DSCAM: variants seen among roughly 807,000 people sequenced by gnomAD.
DSCAM encodes DS cell adhesion molecule.
A neutral mutation model predicts 217.7 loss-of-function variants in DSCAM; 47 were observed. The ratio of observed to expected loss-of-function variants is 0.22; its 90% CI spans 0.17 to 0.28. The LOEUF is 0.28. Among genes scored for constraint, DSCAM ranks in the 10% least tolerant of loss-of-function variants. The pLI is 1.00. For missense variants in DSCAM, 2,080 were observed against 2,618.3 expected, an observed-to-expected ratio of 0.79 and a Z score of 4.49; for synonymous variants, 1,056 against 1,015.3, an observed-to-expected ratio of 1.04 and a Z score of -0.76.
intron 1 of DSCAM, among the ~76,000 whole-genome samples, chr21:40,731,728 A>ACCCCCCCCCCCC (rs148482159): frequency 1.1e-4 from 9 of 79,676 alleles, no homozygotes; most frequent in Admixed American, 2.9e-4. Flanking sequence ...TTCCCACTGC[A>ACCCCCCCCCCCC]CCCCCCCCCC....
chr21:40,291,343 C>G (rs1225437862), intron 10 of DSCAM, among the ~76,000 whole-genome samples: 1 of 152,224 alleles, frequency 6.6e-6, no homozygotes, highest in Non-Finnish European at 1.5e-5. Flanking sequence ...CATCTCTCTC[C>G]AATTACCCAG....
chr21:40,555,189 C>T (rs369047841), intron 3 of DSCAM, among the ~76,000 whole-genome samples: 26 of 152,334 alleles, frequency 1.7e-4, no homozygotes, highest in African/African-American at 6.0e-4. Flanking sequence ...CAGGGTCTCA[C>T]ATCCATTACA....
chr21:40,261,610 G>A (rs1464506799), intron 11 of DSCAM, among the ~76,000 whole-genome samples: 4 of 150,920 alleles, frequency 2.7e-5, no homozygotes, highest in African/African-American at 9.8e-5. Flanking sequence ...CCATAATCAT[G>A]TGGGCCAATT....
chr21:40,090,887 G>A (rs1312077925), intron 21 of DSCAM, among the ~76,000 whole-genome samples: 3 of 152,104 alleles, frequency 2.0e-5, no homozygotes, highest in African/African-American at 7.2e-5. Context: ...CCTCTCACTG[G>A]CTTCAAAATC....
intron 8 of DSCAM, among the ~76,000 whole-genome samples, chr21:40,324,485 G>T (rs995898023): frequency 2.6e-5 from 4 of 152,290 alleles, no homozygotes; most frequent in African/African-American, 9.6e-5. Flanking sequence ...GTGGTGGAAA[G>T]AACTGGATAA....
At chr21:40,588,968 A>G (rs2076965241) in intron 3 of DSCAM, among the ~76,000 whole-genome samples, 1 of 152,176 alleles carries the variant, frequency 6.6e-6, no homozygotes, top group Non-Finnish European at 1.5e-5. Context: ...CAACTGATTA[A>G]TTAGGAACTC....
chr21:40,790,272 C>T (rs2091630129), intron 1 of DSCAM, among the ~76,000 whole-genome samples: 1 of 151,448 alleles, frequency 6.6e-6, no homozygotes, highest in African/African-American at 2.4e-5. Context: ...ACCTCCACCT[C>T]CCGGGTTCAA....
chr21:40,164,506 A>C (rs2090572707), intron 16 of DSCAM, among the ~76,000 whole-genome samples: 2 of 152,200 alleles, frequency 1.3e-5, no homozygotes, highest in African/African-American at 4.8e-5. Context: ...AATAACTAAG[A>C]TAAAAAGGGT....
chr21:40,713,215 T>C, intron 1 of DSCAM, among the ~76,000 whole-genome samples: 1 of 152,166 alleles, frequency 6.6e-6, no homozygotes, highest in South Asian at 2.1e-4. Flanking sequence ...TGTTAGGCCA[T>C]ATATGGCACC....
At chr21:40,114,902 A>T (rs1285612426) in intron 20 of DSCAM, among the ~76,000 whole-genome samples, 1 of 152,222 alleles carries the variant, frequency 6.6e-6, no homozygotes, top group Non-Finnish European at 1.5e-5. Flanking sequence ...ATCATTAAAA[A>T]GTCAGGAAAC....
chr21:40,434,305 C>T (rs2075563693), intron 3 of DSCAM, among the ~76,000 whole-genome samples: 1 of 152,226 alleles, frequency 6.6e-6, no homozygotes, highest in Non-Finnish European at 1.5e-5. Flanking sequence ...GCAGTGTGCT[C>T]ATGCCAACAC....
chr21:40,338,505 A>G (rs2074452710), intron 7 of DSCAM, 129 bp from the exon 8 acceptor site: 1 of 1,026,798 alleles, frequency 9.7e-7, no homozygotes, highest in South Asian at 2.2e-5. Flanking sequence ...CAGTTAAACA[A>G]ATATTTTTGC....
intron 3 of DSCAM, among the ~76,000 whole-genome samples, chr21:40,520,605 G>C (rs897371165): frequency 3.3e-5 from 5 of 151,932 alleles, no homozygotes; most frequent in African/African-American, 1.2e-4. Context: ...TCAGGAGTTC[G>C]AGACCAGCCT....
rs989286341 is a variant in DSCAM, at chr21:40,042,275, G to C, written c.5686+96C>G. ...CATCCATAAACAGAGCACCCATTTG[G>C]TCTGAACACTGAGAAGGGCTTTCAC... On this transcript the variant is annotated intron_variant, in intron 32 of 32. Coordinates refer to ENST00000400454, the MANE Select transcript of DSCAM (RefSeq NM_001389.5). 2.3e-4 allele frequency: 308 copies of C among 1,362,276 alleles called. 1 individual carries two copies. The highest frequency in any genetic ancestry group is 2.9e-4 in the Non-Finnish European group (286 of 990,474). The allele number at this position is 1,362,276 out of a possible 1,614,324, so 84.4% of individuals were successfully genotyped here.
chr21:40,357,532 A>C (rs1447290538), intron 4 of DSCAM, among the ~76,000 whole-genome samples: 3 of 152,210 alleles, frequency 2.0e-5, no homozygotes, highest in African/African-American at 7.2e-5. Context: ...TTCCTAGTAC[A>C]CTAACTTGCA....
In DSCAM at chr21:40,074,471, T is replaced by TAAA. The variant is rs1461648419; in HGVS notation, c.4888+565_4888+566insTTT. On this transcript the variant is annotated intron_variant, in intron 27 of 32. Coordinates refer to ENST00000400454, the MANE Select transcript of DSCAM (RefSeq NM_001389.5). ...CAGAACGACACGGGGCTGGACATTA[T>TAAA]AATCATGGTGTCTGTTCACAATGGA... Among the ~76,000 whole-genome samples the TAAA allele has an allele frequency of 4.6e-5, 7 of 152,318 alleles. No individual in the cohort carries two copies. In the East Asian group the frequency reaches 1.4e-3, roughly 29 times the overall value.
chr21:40,185,592 G>T (rs923998751), intron 14 of DSCAM, among the ~76,000 whole-genome samples: 11 of 152,224 alleles, frequency 7.2e-5, no homozygotes, highest in Admixed American at 5.2e-4. Context: ...TGAGATAAAG[G>T]GCTGTCCCTG....
chr21:40,318,858 G>A (rs950777648), intron 8 of DSCAM, among the ~76,000 whole-genome samples: 2 of 152,072 alleles, frequency 1.3e-5, no homozygotes, highest in Non-Finnish European at 2.9e-5. Flanking sequence ...GGTTCAATAT[G>A]AGCTGATATT....
chr21:40,806,521 A>G (rs1012122653), intron 1 of DSCAM, among the ~76,000 whole-genome samples: 3 of 152,240 alleles, frequency 2.0e-5, no homozygotes, highest in Non-Finnish European at 4.4e-5. Flanking sequence ...ATTTATTTCC[A>G]AATCCTAGAG....
Sources: gnomAD v4.1 joint callset for allele counts (sites outside exome capture counted in the v4.1 genomes callset) on GRCh38, gnomAD v4.1.1 for gene constraint, MANE v1.5 for transcripts, NCBI Gene and HGNC (gene_info 2026-07-23, HGNC 2026-07-21) for gene names.